DPP6: variants seen among roughly 807,000 people sequenced by gnomAD.
DPP6 encodes the protein dipeptidyl peptidase like 6.
DPP6 carries 69 observed loss-of-function variants against 122.6 expected under a neutral mutation model. The ratio of observed to expected loss-of-function variants is 0.56; its 90% CI spans 0.46 to 0.69. DPP6 has a LOEUF of 0.69. Ranked by LOEUF, DPP6 falls within the 30% of genes least tolerant of loss-of-function variation. DPP6 has a pLI of 0.00. For missense variants in DPP6, 928 were observed against 1,116.9 expected, an observed-to-expected ratio of 0.83 and a Z score of 2.41; for synonymous variants, 418 against 433.1, an observed-to-expected ratio of 0.97 and a Z score of 0.43.
intron 18 of DPP6, 24 bp from the exon 19 acceptor site, chr7:154,872,600 G>A (rs376738267): frequency 2.1e-5 from 33 of 1,584,140 alleles, no homozygotes; most frequent in South Asian, 5.8e-5. Flanking sequence ...CCCCTAACCC[G>A]TGCTGTGCTC....
At chr7:154,234,685 A>G (rs1369794125) in intron 1 of DPP6, among the ~76,000 whole-genome samples, 1 of 152,164 alleles carries the variant, frequency 6.6e-6, no homozygotes, top group Admixed American at 6.5e-5. Context: ...ACACATGCAC[A>G]CACACTTTCT....
chr7:154,016,780 A>G (rs929965607), intron 1 of DPP6, among the ~76,000 whole-genome samples: 1 of 152,040 alleles, frequency 6.6e-6, no homozygotes, highest in African/African-American at 2.4e-5. Context: ...ACAGTGCACA[A>G]GTGTTTCCCT....
chr7:153,908,488 A>G (rs1207760511), intron 1 of DPP6, among the ~76,000 whole-genome samples: 1 of 152,196 alleles, frequency 6.6e-6, no homozygotes, highest in African/African-American at 2.4e-5. Context: ...AAAAATACCT[A>G]TTGGAAGTAT....
intron 1 of DPP6, among the ~76,000 whole-genome samples, chr7:153,935,760 C>T (rs994898935): frequency 1.3e-5 from 2 of 152,318 alleles, no homozygotes; most frequent in South Asian, 2.1e-4. Flanking sequence ...CACCACCACG[C>T]GCTGCTCTCC....
intron 22 of DPP6, among the ~76,000 whole-genome samples, chr7:154,886,195 G>A (rs1314031058): frequency 6.6e-6 from 1 of 152,220 alleles, no homozygotes; most frequent in Non-Finnish European, 1.5e-5. Flanking sequence ...AGGGATGGTT[G>A]GGAGGGAATT....
At chr7:154,815,684 A>G (rs1296972786) in intron 16 of DPP6, among the ~76,000 whole-genome samples, 4 of 152,208 alleles carry the variant, frequency 2.6e-5, no homozygotes, top group Non-Finnish European at 4.4e-5. Context: ...CTTCTCCTGA[A>G]GCCGAGGATG....
intron 1 of DPP6, among the ~76,000 whole-genome samples, chr7:154,442,461 G>T (rs1819464845): frequency 6.6e-6 from 1 of 152,106 alleles, no homozygotes; most frequent in Non-Finnish European, 1.5e-5. Flanking sequence ...GATAAGTAAA[G>T]AATGCAAAGG....
chr7:154,272,128 A>G (rs1803836630), intron 1 of DPP6, among the ~76,000 whole-genome samples: 1 of 152,210 alleles, frequency 6.6e-6, no homozygotes, highest in South Asian at 2.1e-4. Flanking sequence ...TTCACTTTCA[A>G]TTCCCTGGCT....
intron 7 of DPP6, among the ~76,000 whole-genome samples, chr7:154,690,607 A>T (rs532702163): frequency 6.6e-6 from 1 of 152,056 alleles, no homozygotes; most frequent in Non-Finnish European, 1.5e-5. Context: ...AATAGAGAGG[A>T]CTGCAACCCA....
intron 7 of DPP6, among the ~76,000 whole-genome samples, chr7:154,705,062 C>T (rs1035275444): frequency 6.6e-6 from 1 of 152,130 alleles, no homozygotes; most frequent in African/African-American, 2.4e-5. Context: ...AGACAAGGAG[C>T]TCCTCCAGGG....
At chr7:154,266,320 C>G (rs1803416392) in intron 1 of DPP6, among the ~76,000 whole-genome samples, 1 of 152,142 alleles carries the variant, frequency 6.6e-6, no homozygotes, top group South Asian at 2.1e-4. Context: ...GGGTTACAGT[C>G]TTATTCACCA....
chr7:153,888,176 G>A (rs1205013093), intron 1 of DPP6, among the ~76,000 whole-genome samples: 2 of 152,180 alleles, frequency 1.3e-5, no homozygotes, highest in East Asian at 1.9e-4. Flanking sequence ...CGGAACTCGA[G>A]ACCTGTTGGG....
chr7:154,459,517 TA>T (rs1351705765), intron 2 of DPP6, among the ~76,000 whole-genome samples: 2 of 152,038 alleles, frequency 1.3e-5, no homozygotes, highest in African/African-American at 4.8e-5. Context: ...GTAATATGTA[TA>T]AATAGAAAAA....
At chr7:154,299,889 C>T (rs902685218) in intron 1 of DPP6, among the ~76,000 whole-genome samples, 21 of 152,150 alleles carry the variant, frequency 1.4e-4, no homozygotes, top group Admixed American at 3.3e-4. Context: ...CATCAGGCTG[C>T]GGAGGGATGC....
chr7:154,189,276 T>G (rs757651928), intron 1 of DPP6, among the ~76,000 whole-genome samples: 2 of 152,262 alleles, frequency 1.3e-5, no homozygotes, highest in Non-Finnish European at 2.9e-5. Context: ...TTTGAATTTG[T>G]ATCTTTCCAC....
intron 1 of DPP6, among the ~76,000 whole-genome samples, chr7:154,148,114 T>G (rs1375851789): frequency 6.8e-6 from 1 of 147,364 alleles, no homozygotes; most frequent in African/African-American, 2.7e-5. Context: ...GAAATTTTAG[T>G]GAGCCATGGC....
rs774600621 is a variant in DPP6, at chr7:154,889,291, G to A, written c.2324G>A (p.Arg775Gln). The change falls in exon 24 of 26, where the codon CGA becomes CAA. Residue 775 changes from arginine (R) to glutamine (Q), a missense_variant. Arg to Gln is a conservative substitution (Grantham distance 43). Transcript: ENST00000377770. ...GTGCAGATGACCAAGGTAGCCCATCGAGTCTCCGCGCTGGAAGAACAGCAG... is the reference window on the plus strand; with the variant it reads ...GTGCAGATGACCAAGGTAGCCCATCAAGTCTCCGCGCTGGAAGAACAGCAG... Reference protein sequence around the residue: ...RAYEMTKVAHRVSALEEQQFL... With the variant: ...RAYEMTKVAHQVSALEEQQFL... 1.3e-5 allele frequency: 21 copies of A among 1,612,812 alleles called. No individual in the cohort carries two copies. Among genetic ancestry groups the A allele is most frequent in the African/African-American group, 5.3e-5 (4 of 74,810 alleles).
intron 16 of DPP6, chr7:154,838,461 T>C (rs1327740108): frequency 6.6e-6 from 1 of 152,126 alleles, no homozygotes; most frequent in Non-Finnish European, 1.5e-5. Flanking sequence ...GGTTAAGTAA[T>C]AAGAAAAGTC....
In DPP6 at chr7:154,892,367, T is replaced by G. The variant is rs769943067; in HGVS notation, c.2485T>G (p.Ser829Ala). The change falls in exon 26 of 26, where the codon TCC (serine) becomes GCC (alanine). Residue 829 changes from serine to alanine, a missense_variant. Transcript: ENST00000377770. ...YPDESHYFTS[S>A]SLKQHLYRSI... ...GGACGAAAGCCATTACTTTACCAGC[T>G]CCAGCCTCAAACAGCATCTGTACCG... 1 of 1,614,032 alleles carries G rather than the reference T, an allele frequency of 6.2e-7. No individual in the cohort carries two copies. Among genetic ancestry groups the G allele is most frequent in the Non-Finnish European group, 8.5e-7 (1 of 1,179,898 alleles).
Sources: gnomAD v4.1 joint callset for allele counts (sites outside exome capture counted in the v4.1 genomes callset) on GRCh38, gnomAD v4.1.1 for gene constraint, MANE v1.5 for transcripts, NCBI Gene and HGNC (gene_info 2026-07-23, HGNC 2026-07-21) for gene names.